Variants in R3HDM4 observed in about 807,000 individuals in gnomAD.
The protein encoded by R3HDM4 is R3H domain containing 4.
A neutral mutation model predicts 31.3 loss-of-function variants in R3HDM4; 30 were observed. The ratio of observed to expected loss-of-function variants is 0.96; its 90% CI spans 0.72 to 1.30. The LOEUF (loss-of-function observed/expected upper bound fraction) is 1.30, where lower values mean the gene tolerates loss of function less well. R3HDM4 is among the 50% of genes most tolerant of loss of function. The probability of loss-of-function intolerance (pLI) is 0.00; values close to 1 mark genes in which losing one functional copy is unlikely to be tolerated. For missense variants in R3HDM4, 444 were observed against 366.1 expected (o/e 1.21, Z -1.74); for synonymous variants, 196 against 156.6 (o/e 1.25, Z -1.88).
intron 1 of R3HDM4, chr19:902,438 TG>T (rs2036850463): frequency 9.1e-6 from 2 of 220,278 alleles, no homozygotes; most frequent in Non-Finnish European, 8.7e-6. Flanking sequence ...AGCAAGACTA[TG>T]AAAAAAAAAA....
Position 896,977 on chromosome 19 carries a change from G to GAGGGGCTGAGC in R3HDM4, c.*449_*459dup. 6.4e-6 allele frequency: 1 copy of GAGGGGCTGAGC among 157,196 alleles called. No homozygotes were observed. The highest frequency in any genetic ancestry group is 2.4e-5 in the African/African-American group (1 of 41,650). The allele number at this position is 157,196 out of a possible 1,614,324, so 9.7% of individuals were successfully genotyped here. ...CACCCTCATTCAAGCTAAAAACTGG[G>GAGGGGCTGAGC]AGGGGCTGAGCAGGGGCTGGGACCA... is the stretch of plus-strand genomic sequence containing the variant. On this transcript the variant is annotated 3_prime_UTR_variant, in exon 8 of 8. Transcript: ENST00000361574. The surrounding 1 kb of genome is among the most constrained non-coding windows in gnomAD (Gnocchi z 4.0).
At chr19:905,475 A>T (rs544512145) in intron 1 of R3HDM4, among the ~76,000 whole-genome samples, 3 of 148,746 alleles carry the variant, frequency 2.0e-5, no homozygotes, top group African/African-American at 7.5e-5. Context: ...GTTGCACTCC[A>T]GCCTGGGCAA....
chr19:909,520 G>T (rs1043578158), intron 1 of R3HDM4, among the ~76,000 whole-genome samples: 2 of 152,214 alleles, frequency 1.3e-5, no homozygotes, highest in African/African-American at 4.8e-5. Context: ...AGGGTGCCAG[G>T]CGTGGTGGTT....
intron 1 of R3HDM4, among the ~76,000 whole-genome samples, chr19:903,890 A>C (rs1388293296): frequency 3.3e-5 from 5 of 152,120 alleles, no homozygotes; most frequent in Admixed American, 3.3e-4. Context: ...CTCCACTAAA[A>C]ATACAAAAAA....
Position 902,065 on chromosome 19 carries a change from C to A in R3HDM4, c.137G>T (p.Arg46Leu). The A allele has an allele frequency of 6.2e-7, 1 of 1,613,874 alleles. No homozygotes were observed. ...TGCCTGGTTGATGAAGTGCTGTTTC[C>A]GCCTGGAAGCCGAGAGTCTCTTCAC... ...SQVKRLSASRRKQHFINQAVR... is the reference protein window; with the variant it reads ...SQVKRLSASRLKQHFINQAVR... The change falls in exon 2 of 8, where the codon CGG becomes CTG. Residue 46 changes from arginine (R) to leucine (L), a missense_variant. Arg to Leu is a moderately radical substitution (Grantham distance 102, BLOSUM62 -2). Coordinates refer to ENST00000361574, the MANE Select transcript of R3HDM4 (RefSeq NM_138774.4).
intron 7 of R3HDM4, among the ~76,000 whole-genome samples, chr19:898,016 C>G (rs1002175167): frequency 1.3e-5 from 2 of 152,090 alleles, no homozygotes; most frequent in Non-Finnish European, 2.9e-5. Context: ...GCCTGTAATC[C>G]CAGCACTCTG....
chr19:899,288 A>G lies in R3HDM4; in HGVS notation c.703+152T>C. Reference sequence around the variant, plus strand: ...TCTGGTGAATTCAAGGCAGGGTCCCACTGCCACCCCTGAGTTCGTAGCGTC... The same window carrying G: ...TCTGGTGAATTCAAGGCAGGGTCCCGCTGCCACCCCTGAGTTCGTAGCGTC... On this transcript the variant is annotated intron_variant, in intron 7 of 7. Transcript: ENST00000361574. This position sits in a 1 kb window ranked among gnomAD's most constrained non-coding sequence, Gnocchi z 6.8. 1 of 763,182 alleles carries G rather than the reference A, an allele frequency of 1.3e-6. No individual in the cohort carries two copies. The highest frequency in any genetic ancestry group is 2.2e-6 in the Non-Finnish European group (1 of 457,968). 47.3% of individuals were successfully genotyped at this position (763,182 alleles called of 1,614,324 possible). A position where few individuals can be genotyped will look rare whatever the true frequency, so the allele number is the denominator to read the frequency against.
Position 902,017 on chromosome 19 carries a change from G to A in R3HDM4, c.185C>T (p.Pro62Leu), listed in dbSNP as rs770695788. Residue 62 changes from proline (P) to leucine (L), a missense_variant, in exon 2 of 8, where the codon CCC (proline) becomes CTC (leucine). Coordinates refer to ENST00000361574, the MANE Select transcript of R3HDM4 (RefSeq NM_138774.4). ...NQAVRNSDLV[P>L]KAKGRKSLQR... ...GAGGCTCTTCCGCCCCTTGGCCTTG[G>A]GCACGAGGTCTGAGTTCCGCACTGC... 5.6e-6 allele frequency: 9 copies of A among 1,613,906 alleles called. No homozygotes were observed. The highest frequency in any genetic ancestry group is 1.7e-5 in the Admixed American group (1 of 60,032).
rs754203661 is a variant in R3HDM4 at position 897,143 on chromosome 19, G to A, written c.*294C>T. 10 of 348,494 alleles carry A rather than the reference G, an allele frequency of 2.9e-5. No individual in the cohort carries two copies. Among genetic ancestry groups the A allele is most frequent in the Non-Finnish European group, 4.7e-5 (9 of 193,302 alleles). 21.6% of individuals were successfully genotyped at this position (348,494 alleles called of 1,614,324 possible). A position where few individuals can be genotyped will look rare whatever the true frequency, so the allele number is the denominator to read the frequency against. On this transcript the variant is annotated 3_prime_UTR_variant, in exon 8 of 8. Coordinates refer to ENST00000361574, the MANE Select transcript of R3HDM4 (RefSeq NM_138774.4). ...CCCCTCCTCACTTGAGCTTCAGACC[G>A]GGCCAGAAAAGCTCAACGATGAAGA...
chr19:908,648 G>A (rs11880936), intron 1 of R3HDM4, among the ~76,000 whole-genome samples: 28,364 of 151,834 alleles, frequency 0.19, 2,848 homozygotes, highest in South Asian at 0.29. Context: ...AAAATCCCAC[G>A]TCCAGCCACA....
chr19:899,699 G>A lies in R3HDM4; in HGVS notation c.562-13C>T. On this transcript the variant is annotated splice_polypyrimidine_tract_variant and intron_variant, in intron 5 of 7. Coordinates refer to ENST00000361574, the MANE Select transcript of R3HDM4 (RefSeq NM_138774.4). The surrounding 1 kb of genome is among the most constrained non-coding windows in gnomAD (Gnocchi z 6.8). ...TCTCCAGCGTTTCCTGGGGAGAGCG[G>A]CCCGGTGGTCAGGGAACTGCGGGAC... 6.4e-7 allele frequency: 1 copy of A among 1,557,274 alleles called. No individual in the cohort carries two copies. Among genetic ancestry groups the A allele is most frequent in the Non-Finnish European group, 8.7e-7 (1 of 1,151,822 alleles).
chr19:908,535 G>A (rs1289775355), intron 1 of R3HDM4, among the ~76,000 whole-genome samples: 2 of 152,004 alleles, frequency 1.3e-5, no homozygotes, highest in Non-Finnish European at 2.9e-5. Context: ...ACTTGAACCT[G>A]GGAGATGAAG....
At position 907,367 on chromosome 19, in the gene R3HDM4, C is replaced by A. The variant is rs1340164211; in HGVS notation, c.72-5237G>T. Among the ~76,000 whole-genome samples, 3 of 152,072 alleles carry A rather than the reference C, an allele frequency of 2.0e-5. No individual in the cohort carries two copies. The highest frequency in any genetic ancestry group is 7.2e-5 in the African/African-American group (3 of 41,430). On this transcript the variant is annotated intron_variant, in intron 1 of 7. Coordinates refer to ENST00000361574, the MANE Select transcript of R3HDM4 (RefSeq NM_138774.4). This position sits in a 1 kb window ranked among gnomAD's most constrained non-coding sequence, Gnocchi z 4.1. ...TTCACCCACAGCCCCCCCTGAGGCC[C>A]CGGGGCCTACTTCTCCACCCCAGCA...
chr19:902,325 A>ACGG (rs2145290269), intron 1 of R3HDM4, 195 bp from the exon 2 acceptor site: 1 of 612,218 alleles, frequency 1.6e-6, no homozygotes, highest in East Asian at 2.9e-5. Context: ...AATTGTGAAG[A>ACGG]CGGGCTGGGT....
At chr19:910,380 A>G (rs1374386816) in intron 1 of R3HDM4, among the ~76,000 whole-genome samples, 1 of 151,338 alleles carries the variant, frequency 6.6e-6, no homozygotes, top group East Asian at 1.9e-4. Flanking sequence ...GCTACTCGGG[A>G]GGCTGGGGCA....
intron 1 of R3HDM4, among the ~76,000 whole-genome samples, chr19:903,878 GT>G (rs2036870414): frequency 6.6e-6 from 1 of 152,018 alleles, no homozygotes; most frequent in Non-Finnish European, 1.5e-5. Context: ...GTGAAACCCC[GT>G]CTCCACTAAA....
At chr19:909,368 G>C (rs1451613349) in intron 1 of R3HDM4, among the ~76,000 whole-genome samples, 1 of 152,180 alleles carries the variant, frequency 6.6e-6, no homozygotes, top group African/African-American at 2.4e-5. Flanking sequence ...GGGTGGGGCA[G>C]ACTGCGGCGG....
At chr19:908,572 T>C (rs1174422481) in intron 1 of R3HDM4, among the ~76,000 whole-genome samples, 1 of 151,908 alleles carries the variant, frequency 6.6e-6, no homozygotes, top group Non-Finnish European at 1.5e-5. Flanking sequence ...ATCACAACAC[T>C]GCACTCCAGG....
chr19:906,966 C>T (rs1177271162), intron 1 of R3HDM4, among the ~76,000 whole-genome samples: 1 of 152,120 alleles, frequency 6.6e-6, no homozygotes, highest in Non-Finnish European at 1.5e-5. Context: ...TAGGCGCCCA[C>T]CACCACGCCT....
Sources: allele counts gnomAD v4.1 joint callset (sites outside exome capture counted in the v4.1 genomes callset), GRCh38; gene constraint gnomAD v4.1.1; non-coding constraint Gnocchi (gnomAD v3.1); transcripts MANE v1.5; gene names NCBI Gene and HGNC (gene_info 2026-07-23, HGNC 2026-07-21).